The following COG5 variants were observed in gnomAD, a reference collection of about 807,000 sequenced individuals.
COG5 encodes component of oligomeric golgi complex 5, also known as conserved oligomeric Golgi complex subunit 5.
Under a neutral mutation model 110.4 loss-of-function variants are expected in COG5, and 86 were observed. The ratio of observed to expected loss-of-function variants is 0.78; its 90% CI spans 0.65 to 0.93. COG5 has a LOEUF of 0.93. COG5 is among the 40% of genes least tolerant of loss of function. The probability of loss-of-function intolerance (pLI) is 0.00; values close to 1 mark genes in which losing one functional copy is unlikely to be tolerated. For missense variants in COG5, 1,077 were observed against 987.0 expected (o/e 1.09, Z -1.22); for synonymous variants, 360 against 334.6 (o/e 1.08, Z -0.83).
intron 6 of COG5, among the ~76,000 whole-genome samples, chr7:107,466,254 T>C (rs1306214151): frequency 6.6e-6 from 1 of 152,066 alleles, no homozygotes. Context: ...AGCCCCAAAG[T>C]AGACATGCCA....
At chr7:107,528,108 T>TG (rs952900752) in intron 5 of COG5, among the ~76,000 whole-genome samples, 2 of 151,996 alleles carry the variant, frequency 1.3e-5, no homozygotes, top group African/African-American at 4.8e-5. Context: ...TTTTTTTTTT[T>TG]GAGAACAGGG....
intron 10 of COG5, among the ~76,000 whole-genome samples, chr7:107,327,399 T>C (rs1369802146): frequency 6.6e-6 from 1 of 152,000 alleles, no homozygotes; most frequent in African/African-American, 2.4e-5. Context: ...AATTCTTGTA[T>C]AGGACACCAT....
chr7:107,414,538 A>G (rs1271181336), intron 6 of COG5, among the ~76,000 whole-genome samples: 2 of 152,006 alleles, frequency 1.3e-5, no homozygotes, highest in African/African-American at 2.4e-5. Flanking sequence ...TAGGCTTTCA[A>G]TATTCTAGTC....
chr7:107,558,777 A>C (rs2129180040), intron 1 of COG5, among the ~76,000 whole-genome samples: 1 of 149,408 alleles, frequency 6.7e-6, no homozygotes, highest in Admixed American at 6.7e-5. Flanking sequence ...AGTCCCAGCT[A>C]CTCGAGAGGC....
intron 6 of COG5, among the ~76,000 whole-genome samples, chr7:107,512,863 G>T (rs975200407): frequency 3.3e-5 from 5 of 151,062 alleles, no homozygotes; most frequent in Non-Finnish European, 5.9e-5. Context: ...GCTGAAACTG[G>T]ATCCCTTCCT....
intron 6 of COG5, among the ~76,000 whole-genome samples, chr7:107,522,709 AT>A (rs1800426757): frequency 6.6e-6 from 1 of 152,190 alleles, no homozygotes; most frequent in Non-Finnish European, 1.5e-5. Context: ...ACACGAATTC[AT>A]TCTGAGTTAA....
chr7:107,462,794 A>G (rs913607694), intron 6 of COG5, among the ~76,000 whole-genome samples: 1 of 152,176 alleles, frequency 6.6e-6, no homozygotes, highest in Non-Finnish European at 1.5e-5. Context: ...GGTAGAAATG[A>G]TGGCAATCTG....
intron 18 of COG5, among the ~76,000 whole-genome samples, chr7:107,234,535 A>G (rs984634694): frequency 2.0e-5 from 3 of 152,218 alleles, no homozygotes; most frequent in Non-Finnish European, 2.9e-5. Context: ...ACATATTAAA[A>G]TAAAAAACAA....
chr7:107,228,713 T>C (rs1423210951), intron 19 of COG5, among the ~76,000 whole-genome samples: 4 of 151,962 alleles, frequency 2.6e-5, no homozygotes, highest in Non-Finnish European at 4.4e-5. Flanking sequence ...AACTCATCTC[T>C]GTACAGATGG....
intron 7 of COG5, among the ~76,000 whole-genome samples, chr7:107,390,277 C>G (rs1790523921): frequency 6.6e-6 from 1 of 152,106 alleles, no homozygotes; most frequent in African/African-American, 2.4e-5. Context: ...GCATCTATTA[C>G]TGAATCAGTA....
intron 17 of COG5, among the ~76,000 whole-genome samples, chr7:107,241,816 T>G (rs778024806): frequency 1.3e-5 from 2 of 152,156 alleles, no homozygotes; most frequent in Non-Finnish European, 2.9e-5. Context: ...GGTCTTACTT[T>G]GTCATCTATC....
chr7:107,474,500 C>T lies in COG5; in HGVS notation c.538+52737G>A. The T allele has an allele frequency of 1.2e-6, 2 of 1,613,040 alleles. No homozygotes were observed. The highest frequency in any genetic ancestry group is 1.7e-6 in the Non-Finnish European group (2 of 1,179,354). ...GACAGATATGACATCTCTGTAAAAC[C>T]TGCAAACCGAATTCTGACAATGGGC... On this transcript the variant is annotated intron_variant, in intron 6 of 21. Coordinates refer to ENST00000297135, the MANE Select transcript of COG5 (RefSeq NM_006348.5). This position sits in a 1 kb window ranked among gnomAD's most constrained non-coding sequence, Gnocchi z 5.7.
At chr7:107,489,296 A>C (rs1242735725) in intron 6 of COG5, among the ~76,000 whole-genome samples, 2 of 152,216 alleles carry the variant, frequency 1.3e-5, no homozygotes, top group African/African-American at 4.8e-5. Flanking sequence ...AACACATTTA[A>C]ATCTCAAACC....
intron 14 of COG5, among the ~76,000 whole-genome samples, chr7:107,280,094 T>C (rs1288999646): frequency 6.6e-6 from 1 of 152,082 alleles, no homozygotes; most frequent in African/African-American, 2.4e-5. Flanking sequence ...CTGAATTTTA[T>C]TTATAGCAAT....
intron 5 of COG5, among the ~76,000 whole-genome samples, chr7:107,541,523 A>AAAAAAAATATATATAT (rs60423657): frequency 3.5e-5 from 2 of 57,020 alleles, no homozygotes; most frequent in Non-Finnish European, 6.7e-5. Context: ...AAAAAAAAAA[A>AAAAAAAATATATATAT]ATATATATAT....
intron 10 of COG5, among the ~76,000 whole-genome samples, chr7:107,343,280 G>C (rs998974629): frequency 6.6e-5 from 10 of 152,038 alleles, no homozygotes; most frequent in African/African-American, 2.4e-4. Flanking sequence ...CACTACCTGG[G>C]GATGGGATCA....
At chr7:107,316,585 G>A (rs1459389276) in intron 11 of COG5, among the ~76,000 whole-genome samples, 4 of 151,204 alleles carry the variant, frequency 2.6e-5, no homozygotes, top group South Asian at 2.1e-4. Context: ...AGGCCAGGGC[G>A]GGCGGATCAC....
At chr7:107,206,826 C>T (rs975342075) in intron 21 of COG5, among the ~76,000 whole-genome samples, 3 of 152,196 alleles carry the variant, frequency 2.0e-5, no homozygotes, top group Non-Finnish European at 4.4e-5. Flanking sequence ...GCTGCCCTCC[C>T]ACATGAAATT....
chr7:107,305,943 G>C (rs551652888), intron 11 of COG5, among the ~76,000 whole-genome samples: 1 of 152,206 alleles, frequency 6.6e-6, no homozygotes, highest in East Asian at 1.9e-4. Flanking sequence ...CTATATTTAA[G>C]AAGAAAAGAT....
Sources: gnomAD v4.1 joint callset for allele counts (sites outside exome capture counted in the v4.1 genomes callset) on GRCh38, gnomAD v4.1.1 for gene constraint, Gnocchi (gnomAD v3.1) non-coding constraint, MANE v1.5 for transcripts, NCBI Gene and HGNC (gene_info 2026-07-23, HGNC 2026-07-21) for gene names.